ABAT: variants seen among roughly 807,000 people sequenced by gnomAD.
ABAT encodes 4-aminobutyrate aminotransferase, mitochondrial.
A neutral mutation model predicts 64.6 loss-of-function variants in ABAT; 45 were observed. That is an observed-to-expected ratio of 0.70 (90% CI 0.55 to 0.89). ABAT has a LOEUF of 0.89. Ranked by LOEUF, ABAT falls within the 40% of genes least tolerant of loss-of-function variation. The pLI is 0.00. For missense variants in ABAT, 633 were observed against 658.4 expected (o/e 0.96, Z 0.42); for synonymous variants, 297 against 250.5 (o/e 1.19, Z -1.75).
intron 1 of ABAT, among the ~76,000 whole-genome samples, chr16:8,732,377 A>C (rs1321483248): frequency 2.0e-5 from 3 of 150,872 alleles, no homozygotes; most frequent in East Asian, 3.9e-4. Flanking sequence ...GGCCTTCCGC[A>C]GTGTTTGTGT....
chr16:8,751,978 C>T (rs2059500599), intron 5 of ABAT, among the ~76,000 whole-genome samples: 1 of 152,218 alleles, frequency 6.6e-6, no homozygotes, highest in Admixed American at 6.5e-5. Context: ...TAGGCTGTGT[C>T]TGATGAAGCC....
intron 1 of ABAT, among the ~76,000 whole-genome samples, chr16:8,705,685 A>G (rs2057924503): frequency 6.6e-6 from 1 of 152,164 alleles, no homozygotes; most frequent in African/African-American, 2.4e-5. Context: ...ACTCCCAGGC[A>G]GTTCGTTGGT....
chr16:8,682,186 T>TACACACACAA (rs2057350182), intron 1 of ABAT, among the ~76,000 whole-genome samples: 1 of 131,456 alleles, frequency 7.6e-6, no homozygotes, highest in Non-Finnish European at 1.6e-5. Flanking sequence ...CCTAACAGGA[T>TACACACACAA]ACACACACAC....
In ABAT at chr16:8,732,832, C is replaced by A. The variant is rs1203966353; in HGVS notation, c.-41-2867C>A. Among the ~76,000 whole-genome samples the A allele has an allele frequency of 1.4e-5, 2 of 145,526 alleles. 1 individual carries two copies. The highest frequency in any genetic ancestry group is 4.4e-4 in the South Asian group (2 of 4,574). ...GGCGCCCCTCACCTCCCGGACGGGGCGGCTGGCCGGGCAGAGGGGCTCCTC... is the reference window on the plus strand; with the variant it reads ...GGCGCCCCTCACCTCCCGGACGGGGAGGCTGGCCGGGCAGAGGGGCTCCTC... On this transcript the variant is annotated intron_variant, in intron 1 of 15. Coordinates refer to ENST00000268251, the MANE Select transcript of ABAT (RefSeq NM_020686.6).
intron 12 of ABAT, 148 bp downstream of exon 12, chr16:8,773,065 T>C (rs2060160792): frequency 5.0e-6 from 5 of 1,008,968 alleles, no homozygotes; most frequent in South Asian, 1.4e-5. Context: ...GGTGGAGAAG[T>C]TGGGGTTGGT....
At chr16:8,727,939 C>T (rs762363219) in intron 1 of ABAT, among the ~76,000 whole-genome samples, 4 of 152,134 alleles carry the variant, frequency 2.6e-5, no homozygotes, top group African/African-American at 4.8e-5. Context: ...GGCATGATGG[C>T]ACATGCCTGT....
chr16:8,761,694 G>A lies in ABAT; in HGVS notation c.367-2375G>A, dbSNP rs118035947. ...TTTCCAGCAGGACATGCCCAGGGCA[G>A]TAGGCCGGGGCACCACTGGCTGACA... On this transcript the variant is annotated intron_variant, in intron 6 of 15. Transcript: ENST00000268251. Among the ~76,000 whole-genome samples the A allele has an allele frequency of 1.4e-4, 22 of 152,366 alleles. No homozygotes were observed. The East Asian group carries it at 4.3e-3, about 29-fold the overall frequency.
chr16:8,776,920 G>A lies in ABAT; in HGVS notation c.1269+430G>A, dbSNP rs556766833. On this transcript the variant is annotated intron_variant, in intron 14 of 15. Transcript: ENST00000268251. This position sits in a 1 kb window ranked among gnomAD's most constrained non-coding sequence, Gnocchi z 4.4. ...TTTTATTTGTCTATTTATTTTTTGA[G>A]ACCAAGTCTTGCTTTGTACCCAGGC... Among the ~76,000 whole-genome samples the A allele has an allele frequency of 4.6e-5, 7 of 151,420 alleles. No homozygotes were observed. Among genetic ancestry groups the A allele is most frequent in the Non-Finnish European group, 1.0e-4 (7 of 67,924 alleles).
At chr16:8,769,733 AC>A (rs1277691838) in intron 11 of ABAT, among the ~76,000 whole-genome samples, 9 of 151,988 alleles carry the variant, frequency 5.9e-5, no homozygotes, top group East Asian at 1.9e-4. Flanking sequence ...GACAGGCAGC[AC>A]CCCCCTACCC....
rs558198760 is a variant in ABAT at position 8,693,980 on chromosome 16, T to C, written c.-42+19269T>C. Among the ~76,000 whole-genome samples the C allele has an allele frequency of 5.3e-5, 8 of 152,254 alleles. No homozygotes were observed. The South Asian group carries it at 1.7e-3, about 32-fold the overall frequency. Reference sequence around the variant, plus strand: ...CAATATCACAACCAAGATACTGACATTGATACAGTCCATCCATTTTAATTT... The same window carrying C: ...CAATATCACAACCAAGATACTGACACTGATACAGTCCATCCATTTTAATTT... On this transcript the variant is annotated intron_variant, in intron 1 of 15. Transcript: ENST00000268251.
At chr16:8,700,857 C>T (rs1275526879) in intron 1 of ABAT, among the ~76,000 whole-genome samples, 1 of 151,906 alleles carries the variant, frequency 6.6e-6, no homozygotes, top group Non-Finnish European at 1.5e-5. Flanking sequence ...CATCCTGCCT[C>T]AGCCTCCCAA....
rs1005717023 is a variant in ABAT, at chr16:8,776,729, T to G, written c.1269+239T>G. Among the ~76,000 whole-genome samples the G allele has an allele frequency of 2.0e-5, 3 of 152,012 alleles. No homozygotes were observed. Among genetic ancestry groups the G allele is most frequent in the African/African-American group, 7.2e-5 (3 of 41,382 alleles). ...GAACTCCTGGTTTTCTTTGTTGTTG[T>G]TTTTTTTAATTTATTTTTTATTTTT... On this transcript the variant is annotated intron_variant, in intron 14 of 15. Coordinates refer to ENST00000268251, the MANE Select transcript of ABAT (RefSeq NM_020686.6). The surrounding 1 kb of genome is among the most constrained non-coding windows in gnomAD (Gnocchi z 4.4).
intron 1 of ABAT, among the ~76,000 whole-genome samples, chr16:8,682,021 G>T (rs1038726168): frequency 2.6e-5 from 4 of 152,068 alleles, no homozygotes; most frequent in African/African-American, 7.2e-5. Flanking sequence ...CCCACCAGAC[G>T]CTGGCAACAT....
chr16:8,684,245 C>G (rs564812169), intron 1 of ABAT, among the ~76,000 whole-genome samples: 1 of 152,044 alleles, frequency 6.6e-6, no homozygotes, highest in African/African-American at 2.4e-5. Context: ...CCAGAGAGTT[C>G]ATAGGAAGCC....
intron 1 of ABAT, among the ~76,000 whole-genome samples, chr16:8,734,157 C>T (rs1327988853): frequency 1.3e-5 from 2 of 152,194 alleles, no homozygotes; most frequent in Non-Finnish European, 2.9e-5. Context: ...GGGATAATCA[C>T]GCCTGCCCCA....
intron 1 of ABAT, among the ~76,000 whole-genome samples, chr16:8,684,748 G>A (rs1431156870): frequency 1.3e-5 from 2 of 149,926 alleles, no homozygotes; most frequent in Admixed American, 6.6e-5. Flanking sequence ...AAGGTGGAGG[G>A]TAAAATCATG....
chr16:8,745,934 T>A, intron 2 of ABAT, 67 bp from the exon 3 acceptor site: 1 of 1,478,660 alleles, frequency 6.8e-7, no homozygotes, highest in African/African-American at 1.4e-5. Flanking sequence ...ATTGGGCATC[T>A]GTCAGGGCAG....
At chr16:8,756,006 T>A (rs556196592) in intron 5 of ABAT, among the ~76,000 whole-genome samples, 1 of 151,174 alleles carries the variant, frequency 6.6e-6, no homozygotes, top group Non-Finnish European at 1.5e-5. Flanking sequence ...CCGAGATTGC[T>A]CCACTTCACT....
chr16:8,749,805 C>T (rs1433111099), intron 4 of ABAT, among the ~76,000 whole-genome samples: 1 of 152,082 alleles, frequency 6.6e-6, no homozygotes, highest in African/African-American at 2.4e-5. Context: ...ACCTCCGCCT[C>T]CCGGGTGCAG....
Sources: gnomAD v4.1 joint callset for allele counts (sites outside exome capture counted in the v4.1 genomes callset) on GRCh38, gnomAD v4.1.1 for gene constraint, Gnocchi (gnomAD v3.1) non-coding constraint, MANE v1.5 for transcripts, NCBI Gene and HGNC (gene_info 2026-07-23, HGNC 2026-07-21) for gene names.